Variants in C1QTNF7 observed in about 807,000 individuals in gnomAD.
The protein encoded by C1QTNF7 is C1q and TNF related 7.
C1QTNF7 carries 15 observed loss-of-function variants against 19.6 expected under a neutral mutation model. The observed-to-expected ratio is 0.76, with a 90% confidence interval of 0.51 to 1.18. The LOEUF (loss-of-function observed/expected upper bound fraction) is 1.18. Ranked by LOEUF, C1QTNF7 falls within the 50% of genes most tolerant of loss-of-function variation. C1QTNF7 has a pLI of 0.00. For missense variants in C1QTNF7, 324 were observed against 359.7 expected, an observed-to-expected ratio of 0.90 and a Z score of 0.80; for synonymous variants, 142 against 137.5, an observed-to-expected ratio of 1.03 and a Z score of -0.23.
chr4:15,346,459 C>T lies in C1QTNF7; in HGVS notation c.13+6252C>T, dbSNP rs190627086. ...TGTAGTTGCCTCAAAACACATCCTACCATATATACTATGACAGTATTTTGA... is the reference window on the plus strand; with the variant it reads ...TGTAGTTGCCTCAAAACACATCCTATCATATATACTATGACAGTATTTTGA... On this transcript the variant is annotated intron_variant, in intron 1 of 2. Transcript: ENST00000295297. 6.0e-3 allele frequency among the ~76,000 whole-genome samples: 913 copies of T among 152,284 alleles called. 3 individuals are homozygous for T. The highest frequency in any genetic ancestry group is 9.9e-3 in the Non-Finnish European group (674 of 68,032).
chr4:15,411,936 G>A (rs1185473899), intron 1 of C1QTNF7, among the ~76,000 whole-genome samples: 2 of 152,072 alleles, frequency 1.3e-5, no homozygotes, highest in Non-Finnish European at 2.9e-5. Context: ...AGCACAGCAG[G>A]AGGTGAGTGG....
In C1QTNF7 at chr4:15,370,290, C is replaced by A. The variant is rs1467761163; in HGVS notation, c.13+30083C>A. 2.0e-5 allele frequency among the ~76,000 whole-genome samples: 3 copies of A among 152,162 alleles called. No individual in the cohort carries two copies. The East Asian group carries it at 5.8e-4, about 29-fold the overall frequency. The stretch of plus-strand genomic sequence containing the variant: ...CTGTTTGGCTATAAACTGAGAAGAA[C>A]AAGCTTGCTGGGAAGCCATAGGAAA... On this transcript the variant is annotated intron_variant, in intron 1 of 2. Coordinates refer to the C1QTNF7 transcript ENST00000295297.
At chr4:15,440,179 T>C (rs570884017) in intron 2 of C1QTNF7, among the ~76,000 whole-genome samples, 19 of 152,138 alleles carry the variant, frequency 1.2e-4, no homozygotes, top group Non-Finnish European at 1.6e-4. Context: ...TATGGTGATT[T>C]GGAATTTGTG....
upstream of C1QTNF7, among the ~76,000 whole-genome samples, chr4:15,427,466 C>T (rs1012366153): frequency 6.6e-6 from 1 of 152,020 alleles, no homozygotes; most frequent in Non-Finnish European, 1.5e-5. Flanking sequence ...CTAAAAATAC[C>T]CAATCATTTA....
chr4:15,375,831 TAACTC>T (rs1717919224), intron 1 of C1QTNF7, among the ~76,000 whole-genome samples: 1 of 152,224 alleles, frequency 6.6e-6, no homozygotes, highest in Admixed American at 6.5e-5. Flanking sequence ...TAATTGCCCT[TAACTC>T]TAGTTGACAT....
intron 1 of C1QTNF7, among the ~76,000 whole-genome samples, chr4:15,368,010 T>C (rs966548341): frequency 5.9e-5 from 9 of 152,164 alleles, no homozygotes; most frequent in Admixed American, 2.6e-4. Context: ...AACAGAATAT[T>C]TCCATTTACC....
intron 2 of C1QTNF7, among the ~76,000 whole-genome samples, chr4:15,438,781 A>G (rs1712634033): frequency 6.6e-6 from 1 of 152,238 alleles, no homozygotes; most frequent in South Asian, 2.1e-4. Flanking sequence ...ATCCAAGGTC[A>G]TAAGTAATGA....
At chr4:15,410,405 T>C (rs369163985) in intron 1 of C1QTNF7, among the ~76,000 whole-genome samples, 3 of 152,196 alleles carry the variant, frequency 2.0e-5, no homozygotes, top group Non-Finnish European at 4.4e-5. Flanking sequence ...TATAATCATA[T>C]TGAACACAAT....
At chr4:15,397,979 C>T (rs1426238786) in intron 1 of C1QTNF7, among the ~76,000 whole-genome samples, 2 of 152,222 alleles carry the variant, frequency 1.3e-5, no homozygotes, top group African/African-American at 4.8e-5. Context: ...TCCCCTCCTC[C>T]TGTAGAGTCC....
intron 1 of C1QTNF7, among the ~76,000 whole-genome samples, chr4:15,366,365 A>G (rs780795830): frequency 1.6e-4 from 25 of 152,140 alleles, no homozygotes; most frequent in Non-Finnish European, 2.9e-4. Flanking sequence ...AACCTTAGCT[A>G]CAGTTGAGGG....
chr4:15,412,910 A>C (rs1011071602), intron 1 of C1QTNF7, among the ~76,000 whole-genome samples: 1 of 152,190 alleles, frequency 6.6e-6, no homozygotes, highest in Non-Finnish European at 1.5e-5. Context: ...TTGAGCCCCT[A>C]ATACGTTCCA....
At chr4:15,353,503 GA>G (rs1717007711) in intron 1 of C1QTNF7, among the ~76,000 whole-genome samples, 1 of 152,176 alleles carries the variant, frequency 6.6e-6, no homozygotes, top group African/African-American at 2.4e-5. Flanking sequence ...ACCTCAAATA[GA>G]GCTTGTGTAT....
intron 2 of C1QTNF7, among the ~76,000 whole-genome samples, chr4:15,441,314 G>T (rs181369170): frequency 1.3e-5 from 2 of 152,270 alleles, no homozygotes; most frequent in Non-Finnish European, 2.9e-5. Flanking sequence ...TAATAATTCT[G>T]AGTTCATAAA....
At chr4:15,436,914 A>G (rs775181632) in intron 2 of C1QTNF7, among the ~76,000 whole-genome samples, 2 of 152,350 alleles carry the variant, frequency 1.3e-5, no homozygotes, top group African/African-American at 4.8e-5. Context: ...ACATATTCAG[A>G]TTATTGGATA....
intron 1 of C1QTNF7, among the ~76,000 whole-genome samples, chr4:15,366,403 A>G (rs988225236): frequency 2.0e-5 from 3 of 152,198 alleles, no homozygotes; most frequent in Non-Finnish European, 2.9e-5. Flanking sequence ...CTGTTGCTGC[A>G]TCATGGAAGA....
At chr4:15,387,309 C>G (rs1421609291) in intron 1 of C1QTNF7, among the ~76,000 whole-genome samples, 1 of 152,114 alleles carries the variant, frequency 6.6e-6, no homozygotes, top group Non-Finnish European at 1.5e-5. Flanking sequence ...GTGGAGGTGT[C>G]TAGCAGGTAG....
chr4:15,439,630 G>T (rs1475532717), intron 2 of C1QTNF7, among the ~76,000 whole-genome samples: 1 of 152,122 alleles, frequency 6.6e-6, no homozygotes, highest in Non-Finnish European at 1.5e-5. Context: ...TTAAATTTCA[G>T]TTTAGCTTAA....
At chr4:15,431,700 C>G (rs916473160) in intron 1 of C1QTNF7, among the ~76,000 whole-genome samples, 5 of 152,114 alleles carry the variant, frequency 3.3e-5, no homozygotes, top group African/African-American at 1.2e-4. Flanking sequence ...AAAGCTCAAA[C>G]CTCCCCACAA....
chr4:15,374,246 G>A (rs1717842721), intron 1 of C1QTNF7: 1 of 152,216 alleles, frequency 6.6e-6, no homozygotes, highest in Admixed American at 6.5e-5. Context: ...GTCAACCGAA[G>A]GGGCTGGGCT....
Sources: allele counts gnomAD v4.1 joint callset (sites outside exome capture counted in the v4.1 genomes callset), GRCh38; gene constraint gnomAD v4.1.1; transcripts MANE v1.5; gene names NCBI Gene and HGNC (gene_info 2026-07-23, HGNC 2026-07-21).